RBFOX1: variants seen among roughly 807,000 people sequenced by gnomAD.
The protein encoded by RBFOX1 is RNA binding fox-1 homolog 1.
RBFOX1 carries 8 observed loss-of-function variants against 57.7 expected under a neutral mutation model. The ratio of observed to expected loss-of-function variants is 0.14; its 90% CI spans 0.08 to 0.25. RBFOX1 has a LOEUF of 0.25. Among genes scored for constraint, RBFOX1 ranks in the 10% least tolerant of loss-of-function variants. The pLI, the probability that RBFOX1 is intolerant of heterozygous loss-of-function variation, is 1.00. For missense variants in RBFOX1, 611 were observed against 548.5 expected, an observed-to-expected ratio of 1.11 and a Z score of -1.14; for synonymous variants, 326 against 222.4, an observed-to-expected ratio of 1.47 and a Z score of -4.15.
intron 3 of RBFOX1, among the ~76,000 whole-genome samples, chr16:5,762,602 G>T (rs1203165217): frequency 2.6e-5 from 4 of 152,146 alleles, no homozygotes; most frequent in African/African-American, 7.2e-5. Flanking sequence ...AAACTTAGCC[G>T]CAGAAGGCAC....
intron 4 of RBFOX1, among the ~76,000 whole-genome samples, chr16:7,164,785 C>A (rs1454137618): frequency 6.6e-6 from 1 of 152,208 alleles, no homozygotes; most frequent in Admixed American, 6.5e-5. Context: ...TTCTGATCAA[C>A]TAAGTTGTTC....
intron 2 of RBFOX1, among the ~76,000 whole-genome samples, chr16:6,595,307 G>A (rs11643920): frequency 0.068 from 10,321 of 152,192 alleles, 815 homozygotes; most frequent in African/African-American, 0.19. Flanking sequence ...ATTGAATCAT[G>A]TAATATGTGG....
chr16:6,397,410 A>T (rs950572822), intron 2 of RBFOX1, among the ~76,000 whole-genome samples: 1 of 151,888 alleles, frequency 6.6e-6, no homozygotes, highest in Non-Finnish European at 1.5e-5. Context: ...TGGTTGACAA[A>T]GAAATCTGCC....
intron 3 of RBFOX1, among the ~76,000 whole-genome samples, chr16:6,679,081 CAG>C (rs1463812113): frequency 4.6e-5 from 7 of 152,008 alleles, no homozygotes; most frequent in African/African-American, 9.7e-5. Flanking sequence ...TCTTTTTGAA[CAG>C]AGAGAGAGGG....
chr16:7,476,341 T>G (rs1354507036), intron 4 of RBFOX1, among the ~76,000 whole-genome samples: 1 of 152,240 alleles, frequency 6.6e-6, no homozygotes. Flanking sequence ...CTTTCCTTAA[T>G]GCTTTCTTGT....
chr16:6,756,988 AAAC>A (rs1259185835), intron 3 of RBFOX1, among the ~76,000 whole-genome samples: 3 of 20,004 alleles, frequency 1.5e-4, no homozygotes, highest in Non-Finnish European at 7.3e-4. Flanking sequence ...ACAAACAGAC[AAAC>A]AAACAAACAA....
At chr16:6,337,518 G>C (rs2191421) in intron 2 of RBFOX1, among the ~76,000 whole-genome samples, 67,106 of 152,046 alleles carry the variant, frequency 0.44, 15,553 homozygotes, top group African/African-American at 0.57. Flanking sequence ...AATTAATGGG[G>C]GGAAATGATT....
intron 3 of RBFOX1, among the ~76,000 whole-genome samples, chr16:5,691,646 A>T (rs1278928997): frequency 6.6e-6 from 1 of 152,232 alleles, no homozygotes; most frequent in Non-Finnish European, 1.5e-5. Context: ...TGCTCCAATG[A>T]GAGTCATGTT....
intron 1 of RBFOX1, among the ~76,000 whole-genome samples, chr16:5,405,270 C>G (rs1029174130): frequency 6.6e-6 from 1 of 152,160 alleles, no homozygotes; most frequent in Non-Finnish European, 1.5e-5. Flanking sequence ...AATTATAGCT[C>G]CCACAATTCC....
chr16:6,424,833 G>C (rs1165864884), intron 2 of RBFOX1, among the ~76,000 whole-genome samples: 1 of 152,126 alleles, frequency 6.6e-6, no homozygotes, highest in Non-Finnish European at 1.5e-5. Flanking sequence ...TGGGATGGAA[G>C]AGTGTTCCTG....
At chr16:6,373,999 G>C (rs1372032748) in intron 2 of RBFOX1, among the ~76,000 whole-genome samples, 1 of 152,140 alleles carries the variant, frequency 6.6e-6, no homozygotes, top group Non-Finnish European at 1.5e-5. Flanking sequence ...ATTCTCCATA[G>C]TGCTCAGCTT....
At chr16:5,696,012 A>T (rs1277275534) in intron 3 of RBFOX1, among the ~76,000 whole-genome samples, 1 of 152,244 alleles carries the variant, frequency 6.6e-6, no homozygotes, top group Non-Finnish European at 1.5e-5. Context: ...GGATTAGAGG[A>T]AAATGTCAAA....
chr16:7,212,421 C>T (rs755923744), intron 4 of RBFOX1, among the ~76,000 whole-genome samples: 1 of 152,136 alleles, frequency 6.6e-6, no homozygotes, highest in Non-Finnish European at 1.5e-5. Context: ...CTCTTTCCCA[C>T]TATTTTAAAT....
intron 4 of RBFOX1, among the ~76,000 whole-genome samples, chr16:7,074,115 T>C (rs925380194): frequency 3.3e-5 from 5 of 152,218 alleles, no homozygotes; most frequent in Non-Finnish European, 5.9e-5. Flanking sequence ...TTTCTGTCTC[T>C]TTTAAGGAAA....
At position 6,019,400 on chromosome 16, in the gene RBFOX1, C is replaced by G. The variant is rs1373759892; in HGVS notation, c.-719C>G. 2 of 986,134 alleles carry G rather than the reference C, an allele frequency of 2.0e-6. No individual in the cohort carries two copies. Among genetic ancestry groups the G allele is most frequent in the African/African-American group, 3.5e-5 (2 of 57,240 alleles). 61.1% of individuals were successfully genotyped at this position (986,134 alleles called of 1,614,324 possible). ...CCCTGAAGTGGTTCTCCAAGCAGCG[C>G]GGAGGGTGGCGGACGGCGGACGGAG... On this transcript the variant is annotated 5_prime_UTR_variant, in exon 1 of 16. Transcript: ENST00000550418. This position sits in a 1 kb window ranked among gnomAD's most constrained non-coding sequence, Gnocchi z 4.2.
chr16:5,354,248 T>A (rs564404773), intron 1 of RBFOX1, among the ~76,000 whole-genome samples: 1 of 152,330 alleles, frequency 6.6e-6, no homozygotes, highest in South Asian at 2.1e-4. Flanking sequence ...GGTCTTTCTG[T>A]GTCTGTGTCT....
At chr16:6,595,292 T>A (rs189303210) in intron 2 of RBFOX1, among the ~76,000 whole-genome samples, 1 of 152,218 alleles carries the variant, frequency 6.6e-6, no homozygotes, top group Admixed American at 6.5e-5. Flanking sequence ...GGGTATGTCA[T>A]GTAAATTGAA....
intron 2 of RBFOX1, among the ~76,000 whole-genome samples, chr16:6,617,611 T>C (rs1175896390): frequency 6.6e-6 from 1 of 152,098 alleles, no homozygotes; most frequent in African/African-American, 2.4e-5. Flanking sequence ...TCCAAAGATT[T>C]ACTAAATGCT....
intron 2 of RBFOX1, among the ~76,000 whole-genome samples, chr16:5,571,154 A>T (rs1323354618): frequency 6.6e-6 from 1 of 151,150 alleles, no homozygotes; most frequent in Non-Finnish European, 1.5e-5. Context: ...GAGTCATGAG[A>T]CAGAAACCTT....
Sources: gnomAD v4.1 joint callset for allele counts (sites outside exome capture counted in the v4.1 genomes callset) on GRCh38, gnomAD v4.1.1 for gene constraint, Gnocchi (gnomAD v3.1) non-coding constraint, MANE v1.5 for transcripts, NCBI Gene and HGNC (gene_info 2026-07-23, HGNC 2026-07-21) for gene names.